Variants in PLD1 observed in about 807,000 individuals in gnomAD.
The protein encoded by PLD1 is choline phosphatase 1.
Under a neutral mutation model 137.1 loss-of-function variants are expected in PLD1, and 112 were observed. The ratio of observed to expected loss-of-function variants is 0.82; its 90% CI spans 0.70 to 0.96. The LOEUF is 0.96. Among genes scored for constraint, PLD1 ranks in the 40% least tolerant of loss-of-function variants. The pLI is 0.00. For missense variants in PLD1, 1,321 were observed against 1,342.0 expected (o/e 0.98, Z 0.24); for synonymous variants, 431 against 454.7 (o/e 0.95, Z 0.66).
chr3:171,614,182 A>G (rs1373355349), intron 24 of PLD1, among the ~76,000 whole-genome samples: 1 of 152,208 alleles, frequency 6.6e-6, no homozygotes, highest in Admixed American at 6.5e-5. Flanking sequence ...CCTGGGTAAC[A>G]GAGAAAGGAT....
rs186050161 is a variant in PLD1, at chr3:171,777,680, C to A, written c.-32+32719G>T. On this transcript the variant is annotated intron_variant, in intron 1 of 26. Coordinates refer to ENST00000351298, the MANE Select transcript of PLD1 (RefSeq NM_002662.5). ...TTTTGAGTTTGTGCCACTGTCCCAA[C>A]TGTGGCAATGCCCTTCCCCCTCCTC... Among the ~76,000 whole-genome samples the A allele has an allele frequency of 2.6e-5, 4 of 152,280 alleles. No individual in the cohort carries two copies. In the East Asian group the frequency reaches 7.7e-4, roughly 29 times the overall value.
At chr3:171,716,495 T>C (rs1303838905) in intron 8 of PLD1, among the ~76,000 whole-genome samples, 1 of 152,252 alleles carries the variant, frequency 6.6e-6, no homozygotes, top group African/African-American at 2.4e-5. Context: ...TGATCAGTGA[T>C]GTTAAGCATT....
intron 6 of PLD1, among the ~76,000 whole-genome samples, chr3:171,729,803 G>A (rs1718796313): frequency 6.6e-6 from 1 of 152,172 alleles, no homozygotes; most frequent in South Asian, 2.1e-4. Flanking sequence ...TGAAAACACT[G>A]TGTGCACGTT....
chr3:171,746,985 C>T (rs1720260334), intron 1 of PLD1, among the ~76,000 whole-genome samples: 1 of 152,184 alleles, frequency 6.6e-6, no homozygotes. Flanking sequence ...TGGCAAAGGT[C>T]TGCAGTTTTA....
At chr3:171,669,198 G>A (rs927642129) in intron 19 of PLD1, among the ~76,000 whole-genome samples, 7 of 152,124 alleles carry the variant, frequency 4.6e-5, no homozygotes, top group South Asian at 2.1e-4. Flanking sequence ...TGCCAGTGGC[G>A]TGTGACCAAT....
chr3:171,655,554 T>A (rs2108417798), intron 21 of PLD1, among the ~76,000 whole-genome samples: 2 of 152,118 alleles, frequency 1.3e-5, no homozygotes, highest in Non-Finnish European at 2.9e-5. Flanking sequence ...AGACAGGTGG[T>A]CTCAAATTTC....
rs1035634936 is a variant in PLD1 at position 171,786,802 on chromosome 3, C to T, written c.-32+23597G>A. Reference sequence around the variant, plus strand: ...TCACAAAATATCTCATCTGACAAAACTGCAACTAGAATAGGTAACATGGGA... The same window carrying T: ...TCACAAAATATCTCATCTGACAAAATTGCAACTAGAATAGGTAACATGGGA... On this transcript the variant is annotated intron_variant, in intron 1 of 26. Transcript: ENST00000351298. Among the ~76,000 whole-genome samples the T allele has an allele frequency of 3.9e-5, 6 of 152,218 alleles. No homozygotes were observed. In the East Asian group the frequency reaches 1.2e-3, roughly 29 times the overall value.
chr3:171,686,455 T>G (rs1358918614), intron 16 of PLD1, among the ~76,000 whole-genome samples: 1 of 152,244 alleles, frequency 6.6e-6, no homozygotes, highest in Non-Finnish European at 1.5e-5. Flanking sequence ...GCATGTGCCA[T>G]GCATTTTCTC....
chr3:171,633,227 CA>C (rs1224939441), intron 23 of PLD1, among the ~76,000 whole-genome samples: 6 of 152,236 alleles, frequency 3.9e-5, no homozygotes, highest in Middle Eastern at 6.8e-3. Flanking sequence ...ACTGCCTTGA[CA>C]TGTAATAGGT....
chr3:171,804,641 T>G (rs954822678), intron 1 of PLD1, among the ~76,000 whole-genome samples: 4 of 152,202 alleles, frequency 2.6e-5, no homozygotes, highest in Admixed American at 2.0e-4. Flanking sequence ...AATCCACCCA[T>G]GGAAAGTGGC....
At chr3:171,623,744 A>C (rs1176991339) in intron 23 of PLD1, among the ~76,000 whole-genome samples, 1 of 152,198 alleles carries the variant, frequency 6.6e-6, no homozygotes, top group Non-Finnish European at 1.5e-5. Context: ...ATGCAAATAC[A>C]TAAGGAAAAT....
chr3:171,706,633 C>G lies in PLD1; in HGVS notation c.1145+2122G>C, dbSNP rs12491008. Among the ~76,000 whole-genome samples the G allele has an allele frequency of 6.8e-3, 1,042 of 152,248 alleles. 29 individuals carry two copies. The highest frequency in any genetic ancestry group is 0.054 in the East Asian group (281 of 5,182). Reference sequence around the variant, plus strand: ...TTCTGACACATTTAACATACTGACTCCATACAGAGACTGGTAGATAACCCC... The same window carrying G: ...TTCTGACACATTTAACATACTGACTGCATACAGAGACTGGTAGATAACCCC... On this transcript the variant is annotated intron_variant, in intron 11 of 26. Coordinates refer to ENST00000351298, the MANE Select transcript of PLD1 (RefSeq NM_002662.5).
chr3:171,767,176 G>T (rs1382687736), intron 1 of PLD1, among the ~76,000 whole-genome samples: 1 of 152,168 alleles, frequency 6.6e-6, no homozygotes, highest in Non-Finnish European at 1.5e-5. Flanking sequence ...GCCTTAAAAA[G>T]TCTCTAAAAT....
Position 171,612,474 on chromosome 3 carries a change from G to A in PLD1, c.2729-42C>T. 1 of 1,592,020 alleles carries A rather than the reference G, an allele frequency of 6.3e-7. No homozygotes were observed. Among genetic ancestry groups the A allele is most frequent in the South Asian group, 1.1e-5 (1 of 90,282 alleles). On this transcript the variant is annotated intron_variant, in intron 24 of 26. Coordinates refer to ENST00000351298, the MANE Select transcript of PLD1 (RefSeq NM_002662.5). The surrounding 1 kb of genome is among the most constrained non-coding windows in gnomAD (Gnocchi z 4.1). ...TGAGGCTGAACAACCTTCCTGTTGT[G>A]GCAGACACTGTTGGTTGCCCTCCCA...
chr3:171,613,986 C>T (rs1245944850), intron 24 of PLD1, among the ~76,000 whole-genome samples: 1 of 152,192 alleles, frequency 6.6e-6, no homozygotes, highest in African/African-American at 2.4e-5. Context: ...GGCACCCTGG[C>T]GGCCCTCTGA....
At chr3:171,747,567 T>C (rs779347890) in intron 1 of PLD1, among the ~76,000 whole-genome samples, 5 of 152,086 alleles carry the variant, frequency 3.3e-5, no homozygotes, top group Non-Finnish European at 5.9e-5. Flanking sequence ...GCTAGGATAG[T>C]GTTAGAACCA....
chr3:171,620,019 A>T (rs1053501360), intron 24 of PLD1, among the ~76,000 whole-genome samples: 5 of 152,258 alleles, frequency 3.3e-5, no homozygotes, highest in African/African-American at 1.2e-4. Context: ...ATTTTCACGA[A>T]GTCCATTTAA....
chr3:171,737,318 C>T (rs1406217212), intron 3 of PLD1, among the ~76,000 whole-genome samples: 1 of 151,740 alleles, frequency 6.6e-6, no homozygotes, highest in Non-Finnish European at 1.5e-5. Flanking sequence ...AGCTTTGGCT[C>T]AAATGAAGAA....
At chr3:171,614,852 C>T (rs574491764) in intron 24 of PLD1, among the ~76,000 whole-genome samples, 66 of 152,308 alleles carry the variant, frequency 4.3e-4, no homozygotes, top group African/African-American at 1.5e-3. Flanking sequence ...CACGCGCCCC[C>T]ATTCCTCTCC....
Sources: allele counts gnomAD v4.1 joint callset (sites outside exome capture counted in the v4.1 genomes callset), GRCh38; gene constraint gnomAD v4.1.1; non-coding constraint Gnocchi (gnomAD v3.1); transcripts MANE v1.5; gene names NCBI Gene and HGNC (gene_info 2026-07-23, HGNC 2026-07-21).